Variants in GNAT2 observed in about 807,000 individuals in gnomAD.
The protein encoded by GNAT2 is guanine nucleotide-binding protein G(t) subunit alpha-2.
A neutral mutation model predicts 40.9 loss-of-function variants in GNAT2; 32 were observed. The observed-to-expected ratio is 0.78, with a 90% CI of 0.59 to 1.05. The LOEUF (loss-of-function observed/expected upper bound fraction) is 1.05. Ranked by LOEUF, GNAT2 falls within the 50% of genes least tolerant of loss-of-function variation. The pLI is 0.00. For missense variants in GNAT2, 355 were observed against 431.5 expected, an observed-to-expected ratio of 0.82 and a Z score of 1.57; for synonymous variants, 141 against 157.2, an observed-to-expected ratio of 0.90 and a Z score of 0.77.
chr1:109,610,666 T>C, intron 2 of GNAT2, 159 bp from the exon 3 acceptor site: 1 of 697,256 alleles, frequency 1.4e-6, no homozygotes, highest in Non-Finnish European at 2.6e-6. Flanking sequence ...AGGCTTGAGC[T>C]CAGGCCATTC....
At chr1:109,604,147 T>C (rs749844683) in intron 7 of GNAT2, 43 bp from the exon 8 acceptor site, 2 of 1,474,256 alleles carry the variant, frequency 1.4e-6, no homozygotes, top group East Asian at 2.3e-5. Flanking sequence ...ATTTGGCTTA[T>C]AGAATATCTA....
intron 7 of GNAT2, chr1:109,605,071 G>A (rs1397665105): frequency 6.6e-6 from 1 of 152,216 alleles, no homozygotes; most frequent in African/African-American, 2.4e-5. Context: ...ACTACCAAAG[G>A]GAAGGGAAGA....
intron 8 of GNAT2, 145 bp from the exon 9 acceptor site, chr1:109,603,689 G>T: frequency 1.4e-6 from 1 of 703,780 alleles, no homozygotes; most frequent in Non-Finnish European, 2.6e-6. Flanking sequence ...ATTCTCTATT[G>T]CACTCCAGTG....
intron 1 of GNAT2, chr1:109,615,770 T>TGA (rs2101133418): frequency 6.6e-6 from 1 of 152,186 alleles, no homozygotes; most frequent in African/African-American, 2.4e-5. Flanking sequence ...GGTGACAGAG[T>TGA]GAGACTCTGT....
chr1:109,612,947 GA>G (rs1649847342), intron 1 of GNAT2, 24 bp from the exon 2 acceptor site: 5 of 1,025,136 alleles, frequency 4.9e-6, no homozygotes, highest in Non-Finnish European at 7.7e-6. Flanking sequence ...GGAAGAGAAG[GA>G]AAAAAGTTGG....
At position 109,603,841 on chromosome 1, in the gene GNAT2, T is replaced by G. The variant is rs1177141572; in HGVS notation, c.874+110A>C. 1.4e-5 allele frequency: 12 copies of G among 843,106 alleles called. No homozygotes were observed. In the African/African-American group the frequency reaches 1.7e-4, roughly 12 times the overall value. 52.2% of individuals were successfully genotyped at this position (843,106 alleles called of 1,614,324 possible). On this transcript the variant is annotated intron_variant, in intron 8 of 8. Coordinates refer to ENST00000679935, the MANE Select transcript of GNAT2 (RefSeq NM_001377295.2). ...TATCTGAATTTAAACCCTGTAACTG[T>G]GCCCAAGGTTCTCCCTTAAGTTCCT...
At chr1:109,609,170 A>G (rs1649712297) in intron 4 of GNAT2, 1 of 283,316 alleles carries the variant, frequency 3.5e-6, no homozygotes, top group African/African-American at 2.2e-5. Context: ...ACAGGGACCC[A>G]TCACCTTTGT....
In GNAT2 at chr1:109,608,630, C is replaced by T; in HGVS notation, c.461+1G>A. On this transcript the variant is annotated splice_donor_variant, in intron 5 of 8. Transcript: ENST00000679935. LOFTEE classifies it high-confidence loss of function. ...CCCACCCTCTCACCAGTCAGTCTTA[C>T]TAAGATGCGGAGTCATTAAGCTGGT... 6.2e-7 allele frequency: 1 copy of T among 1,613,642 alleles called. No individual in the cohort carries two copies. Among genetic ancestry groups the T allele is most frequent in the Non-Finnish European group, 8.5e-7 (1 of 1,179,534 alleles).
At chr1:109,604,929 G>C (rs1460557193) in intron 7 of GNAT2, 1 of 152,148 alleles carries the variant, frequency 6.6e-6, no homozygotes, top group Non-Finnish European at 1.5e-5. Context: ...AAACCTCATA[G>C]ACTCATAGAC....
chr1:109,614,804 C>G (rs1268218568), intron 1 of GNAT2: 2 of 152,210 alleles, frequency 1.3e-5, no homozygotes, highest in African/African-American at 4.8e-5. Context: ...CTTTCAGTGA[C>G]TGTAGGGGCT....
intron 6 of GNAT2, 25 bp from the exon 7 acceptor site, chr1:109,606,124 A>T: frequency 6.2e-7 from 1 of 1,613,916 alleles, no homozygotes; most frequent in Admixed American, 1.7e-5. Context: ...AGCTATTTTC[A>T]TAGGTATGCC....
rs536959939 is a variant in GNAT2, at chr1:109,608,672, G to A, written c.420C>T (p.Phe140=). ...LWKDGGVQAC[F]ERAAEYQLND... ...TAAGCTGGTATTCTGCAGCTCTCTCGAAGCAGGCTTGCACCCCACCATCCT... is the reference window on the plus strand; with the variant it reads ...TAAGCTGGTATTCTGCAGCTCTCTCAAAGCAGGCTTGCACCCCACCATCCT... The change falls in exon 5 of 9, where the codon TTC becomes TTT. Residue 140 remains phenylalanine (F), a synonymous_variant. Transcript: ENST00000679935. 51 of 1,614,030 alleles carry A rather than the reference G, an allele frequency of 3.2e-5. 1 individual carries two copies. The highest frequency in any genetic ancestry group is 2.7e-4 in the South Asian group (25 of 91,080).
intron 7 of GNAT2, chr1:109,604,400 A>G: frequency 2.4e-6 from 1 of 415,492 alleles, no homozygotes; most frequent in Non-Finnish European, 4.5e-6. Flanking sequence ...ATTGTCCATG[A>G]TAGTGGCTGG....
Position 109,616,764 on chromosome 1 carries a change from A to G in GNAT2, c.-54+2719T>C, listed in dbSNP as rs1338396556. 3 of 152,272 alleles carry G rather than the reference A, an allele frequency of 2.0e-5. No individual in the cohort carries two copies. The East Asian group carries it at 5.8e-4, about 29-fold the overall frequency. The allele number at this position is 152,272 out of a possible 1,614,324, so 9.4% of individuals were successfully genotyped here. A position where few individuals can be genotyped will look rare whatever the true frequency, so the allele number is the denominator to read the frequency against. On this transcript the variant is annotated intron_variant, in intron 1 of 8. Transcript: ENST00000679935. ...AATAGACTTTCCACAGAGAAGCAGAATAACAGTGGAAGTGGGAGATACGCA... is the reference window on the plus strand; with the variant it reads ...AATAGACTTTCCACAGAGAAGCAGAGTAACAGTGGAAGTGGGAGATACGCA...
intron 8 of GNAT2, 167 bp downstream of exon 8, chr1:109,603,784 C>G (rs769427182): frequency 2.5e-5 from 17 of 681,600 alleles, no homozygotes; most frequent in African/African-American, 5.4e-5. Flanking sequence ...GTCAGTGGCT[C>G]TCCTGCATCT....
At chr1:109,610,873 A>C in intron 2 of GNAT2, 1 of 370,028 alleles carries the variant, frequency 2.7e-6, no homozygotes. Context: ...CCTGTTGAAA[A>C]CCACTAACAG....
intron 2 of GNAT2, 103 bp from the exon 3 acceptor site, chr1:109,610,610 G>T (rs1359178783): frequency 2.2e-6 from 2 of 919,592 alleles, no homozygotes; most frequent in African/African-American, 1.6e-5. Flanking sequence ...TGGGGGTCTT[G>T]TTAGGGGAGA....
chr1:109,605,791 C>A (rs1319388071), intron 7 of GNAT2, 179 bp downstream of exon 7: 3 of 623,334 alleles, frequency 4.8e-6, no homozygotes, highest in African/African-American at 1.8e-5. Context: ...AAATGCTAAT[C>A]TAGAACCTGC....
At chr1:109,607,203 G>A (rs998281863) in intron 5 of GNAT2, 1 of 151,036 alleles carries the variant, frequency 6.6e-6, no homozygotes, top group Non-Finnish European at 1.5e-5. Context: ...TATAATCCCA[G>A]TACTTTGGGA....
Sources: allele counts gnomAD v4.1 joint callset, GRCh38; gene constraint gnomAD v4.1.1; transcripts MANE v1.5; gene names NCBI Gene and HGNC (gene_info 2026-07-23, HGNC 2026-07-21).